Variants in HDAC4 observed in about 807,000 individuals in gnomAD.
HDAC4 encodes the protein histone deacetylase A.
In HDAC4, 16 loss-of-function variants were observed where a neutral mutation model predicts 135.1. That is an observed-to-expected ratio of 0.12 (90% CI 0.08 to 0.18). HDAC4 has a LOEUF of 0.18. Ranked by LOEUF, HDAC4 falls within the 10% of genes least tolerant of loss-of-function variation. The pLI is 1.00. For synonymous variants in HDAC4, 685 were observed against 653.4 expected (o/e 1.05, Z -0.74); for missense variants, 1,143 against 1,511.8 (o/e 0.76, Z 4.05).
At chr2:239,082,346 C>A in intron 20 of HDAC4, 125 bp from the exon 21 acceptor site, 1 of 1,302,032 alleles carries the variant, frequency 7.7e-7, no homozygotes, top group Non-Finnish European at 1.1e-6. Context: ...TGACATTACC[C>A]TCCAGCTGGG....
intron 12 of HDAC4, among the ~76,000 whole-genome samples, chr2:239,121,180 C>T (rs561626234): frequency 6.6e-6 from 1 of 152,144 alleles, no homozygotes; most frequent in Non-Finnish European, 1.5e-5. Context: ...TGGTCTCGAA[C>T]TCTTGAGCCA....
chr2:239,096,294 C>T (rs575053691), intron 16 of HDAC4, among the ~76,000 whole-genome samples: 8 of 152,062 alleles, frequency 5.3e-5, no homozygotes, highest in African/African-American at 1.9e-4. Context: ...AGAAGCTAAA[C>T]AGAGGCCTGC....
intron 1 of HDAC4, among the ~76,000 whole-genome samples, chr2:239,388,172 T>C (rs1324897007): frequency 2.6e-5 from 4 of 152,136 alleles, no homozygotes; most frequent in Admixed American, 2.6e-4. Context: ...GCTGGGCCAT[T>C]GACCTCCTGT....
intron 1 of HDAC4, among the ~76,000 whole-genome samples, chr2:239,396,058 C>A (rs1696537352): frequency 6.6e-6 from 1 of 152,104 alleles, no homozygotes; most frequent in Admixed American, 6.6e-5. Context: ...CTCACTGCAA[C>A]CTTGACTTTC....
rs2053468575 is a variant in HDAC4, at chr2:239,326,305, A to G, written c.22+26373T>C. 2.0e-5 allele frequency among the ~76,000 whole-genome samples: 3 copies of G among 152,346 alleles called. No homozygotes were observed. In the South Asian group the frequency reaches 6.2e-4, roughly 32 times the overall value. The stretch of plus-strand genomic sequence containing the variant: ...ACAAGTCCATTCACAGAAGGGCCCT[A>G]GAGGAGTCAGATTCGCTGAGAAAGC... On this transcript the variant is annotated intron_variant, in intron 2 of 26. Transcript: ENST00000543185.
chr2:239,385,648 T>C (rs886789473), intron 1 of HDAC4, among the ~76,000 whole-genome samples: 2 of 152,208 alleles, frequency 1.3e-5, no homozygotes, highest in Admixed American at 1.3e-4. Flanking sequence ...CGCACACGCC[T>C]GTCCCTGATT....
At chr2:239,356,584 T>C (rs72994559) in intron 1 of HDAC4, among the ~76,000 whole-genome samples, 2 of 152,298 alleles carry the variant, frequency 1.3e-5, no homozygotes, top group Non-Finnish European at 2.9e-5. Flanking sequence ...GTATATCACA[T>C]AACTAATCAA....
At chr2:239,358,468 G>A (rs567694761) in intron 1 of HDAC4, among the ~76,000 whole-genome samples, 16 of 152,146 alleles carry the variant, frequency 1.1e-4, no homozygotes, top group Non-Finnish European at 2.2e-4. Context: ...TCACAGTCCC[G>A]GAATCAATGG....
At chr2:239,134,669 TCA>T (rs754901984) in intron 9 of HDAC4, 26 bp from the exon 10 acceptor site, 26 of 1,534,690 alleles carry the variant, frequency 1.7e-5, no homozygotes, top group Non-Finnish European at 2.1e-5. Flanking sequence ...ACGATGACCA[TCA>T]CAGTCTGTCA....
chr2:239,125,606 T>C (rs2040130698), intron 12 of HDAC4, among the ~76,000 whole-genome samples: 1 of 152,216 alleles, frequency 6.6e-6, no homozygotes. Context: ...TGTGGGGCCA[T>C]GTGGTGGCTG....
Position 239,049,505 on chromosome 2 carries a change from C to A in HDAC4, c.*3592G>T, listed in dbSNP as rs2030492835. On this transcript the variant is annotated 3_prime_UTR_variant, in exon 27 of 27. Coordinates refer to ENST00000543185, the MANE Select transcript of HDAC4 (RefSeq NM_001378414.1). ...TATATATTTATATATGTATCAATGC[C>A]CATAAAACACGTGGGCCCAAAGTCT... The A allele has an allele frequency of 6.6e-6, 1 of 151,786 alleles. No individual in the cohort carries two copies. Among genetic ancestry groups the A allele is most frequent in the African/African-American group, 2.4e-5 (1 of 41,292 alleles). 9.4% of individuals were successfully genotyped at this position (151,786 alleles called of 1,614,324 possible).
At chr2:239,179,278 G>C (rs559125835) in intron 4 of HDAC4, among the ~76,000 whole-genome samples, 3 of 152,336 alleles carry the variant, frequency 2.0e-5, no homozygotes, top group East Asian at 3.9e-4. Flanking sequence ...CTCTACGACA[G>C]GGGTCCCCAC....
chr2:239,354,319 G>T (rs905813332), intron 1 of HDAC4, among the ~76,000 whole-genome samples: 8 of 152,144 alleles, frequency 5.3e-5, no homozygotes, highest in African/African-American at 1.9e-4. Context: ...TGAGCCTGCT[G>T]CTCCCAGGGA....
intron 1 of HDAC4, among the ~76,000 whole-genome samples, chr2:239,362,738 C>T (rs1434750892): frequency 6.6e-6 from 1 of 152,196 alleles, no homozygotes; most frequent in African/African-American, 2.4e-5. Context: ...AGAGCCTTCA[C>T]CAAACAGGGA....
intron 24 of HDAC4, among the ~76,000 whole-genome samples, 179 bp downstream of exon 24, chr2:239,066,543 C>T (rs964631871): frequency 2.6e-5 from 4 of 152,040 alleles, no homozygotes; most frequent in Admixed American, 6.5e-5. Context: ...GCCATCGTCA[C>T]GGTTCTGCCA....
At chr2:239,380,496 G>A (rs2126054621) in intron 1 of HDAC4, among the ~76,000 whole-genome samples, 1 of 152,280 alleles carries the variant, frequency 6.6e-6, no homozygotes, top group East Asian at 1.9e-4. Context: ...CCACGGGCCT[G>A]ACAGTAACCT....
chr2:239,396,996 ACATAAGACAG>A (rs1274396383), intron 1 of HDAC4, among the ~76,000 whole-genome samples: 51 of 152,246 alleles, frequency 3.3e-4, no homozygotes, highest in Middle Eastern at 3.2e-3. Context: ...CCCACACGTG[ACATAAGACAG>A]CATGAGAAAG....
chr2:239,089,763 A>T, intron 18 of HDAC4: 12 of 397,216 alleles, frequency 3.0e-5, no homozygotes, highest in Non-Finnish European at 4.6e-5. Flanking sequence ...AATTTTTAAG[A>T]GTATAAAGGG....
Position 239,381,960 on chromosome 2 carries a change from C to T in HDAC4, c.-220+19018G>A, listed in dbSNP as rs76357737. ...ACACACACTCCATCAGCTGAGACTGCTCACTGGGCTTTGGAAGCCAGGGCA... is the reference window on the plus strand; with the variant it reads ...ACACACACTCCATCAGCTGAGACTGTTCACTGGGCTTTGGAAGCCAGGGCA... On this transcript the variant is annotated intron_variant, in intron 1 of 26. Transcript: ENST00000543185. 7.2e-4 allele frequency among the ~76,000 whole-genome samples: 110 copies of T among 152,370 alleles called. No homozygotes were observed. The East Asian group carries it at 0.015, about 21-fold the overall frequency.
Sources: allele counts gnomAD v4.1 joint callset (sites outside exome capture counted in the v4.1 genomes callset), GRCh38; gene constraint gnomAD v4.1.1; transcripts MANE v1.5; gene names NCBI Gene and HGNC (gene_info 2026-07-23, HGNC 2026-07-21).